Variants in NEU3 observed in about 807,000 individuals in gnomAD.
The protein encoded by NEU3 is sialidase-3.
Under a neutral mutation model 11.4 loss-of-function variants are expected in NEU3, and 10 were observed. The observed-to-expected ratio is 0.88, with a 90% CI of 0.54 to 1.49. The LOEUF (loss-of-function observed/expected upper bound fraction) is 1.49. Among genes scored for constraint, NEU3 ranks in the 40% most tolerant of loss-of-function variants. The pLI is 0.00. For synonymous variants in NEU3, 212 were observed against 228.2 expected (o/e 0.93, Z 0.64); for missense variants, 529 against 581.8 (o/e 0.91, Z 0.93).
intron 2 of NEU3, among the ~76,000 whole-genome samples, chr11:75,003,139 T>C (rs1247184699): frequency 6.6e-6 from 1 of 152,208 alleles, no homozygotes; most frequent in Non-Finnish European, 1.5e-5. Flanking sequence ...CAACCAGTTT[T>C]CTAGAGTGAT....
In NEU3 at chr11:74,994,712, T is replaced by G. The variant is rs775841599; in HGVS notation, c.298T>G (p.Leu100Val). 6.2e-7 allele frequency: 1 copy of G among 1,613,800 alleles called. No homozygotes were observed. Among genetic ancestry groups the G allele is most frequent in the Non-Finnish European group, 8.5e-7 (1 of 1,179,704 alleles). ...GAGGCGAGGGTTGAGGATTGGGCAG[T>G]TGGTACAGGTGACTCTTCATCCCAG... is the stretch of plus-strand genomic sequence containing the variant. ...VLRRGLRIGQLVQWGPLKPLM... is the reference protein window; with the variant it reads ...VLRRGLRIGQVVQWGPLKPLM... The change falls in exon 2 of 3, where the codon TTG (leucine) becomes GTG (valine). Residue 100 changes from leucine (L) to valine (V), a missense_variant. By Grantham distance (32) the Leu-to-Val change is conservative (BLOSUM62 1). Coordinates refer to ENST00000294064, the MANE Select transcript of NEU3 (RefSeq NM_006656.6).
downstream of NEU3, among the ~76,000 whole-genome samples, chr11:75,020,424 A>C (rs532285983): frequency 2.0e-5 from 3 of 152,204 alleles, no homozygotes; most frequent in East Asian, 5.8e-4. Flanking sequence ...AAATTCCTAC[A>C]TGTTGTGGGA....
intron 2 of NEU3, chr11:74,995,042 G>C (rs553167011): frequency 3.1e-5 from 18 of 577,710 alleles, no homozygotes; most frequent in Non-Finnish European, 5.6e-5. Flanking sequence ...AAACTCAGTC[G>C]CTGACTCCAG....
chr11:75,017,568 T>G (rs893915896), intron 3 of NEU3, among the ~76,000 whole-genome samples: 2 of 152,130 alleles, frequency 1.3e-5, no homozygotes, highest in African/African-American at 2.4e-5. Flanking sequence ...AAATCCTGAT[T>G]TGGGGTGTCC....
At chr11:75,003,185 A>T (rs768740638) in intron 2 of NEU3, among the ~76,000 whole-genome samples, 1 of 152,136 alleles carries the variant, frequency 6.6e-6, no homozygotes, top group Non-Finnish European at 1.5e-5. Flanking sequence ...TTCCATCCTT[A>T]TTCCTTGGAT....
intron 3 of NEU3, among the ~76,000 whole-genome samples, chr11:75,018,160 CACA>C: frequency 6.6e-6 from 1 of 151,864 alleles, no homozygotes; most frequent in African/African-American, 2.4e-5. Flanking sequence ...GTAAAGTGGG[CACA>C]ACAACTCTCA....
chr11:74,990,208 A>C, intron 1 of NEU3: 1 of 541,242 alleles, frequency 1.8e-6, no homozygotes, highest in East Asian at 3.0e-5. Context: ...GGTAGGTATT[A>C]TTATCCATAG....
chr11:74,982,937 C>A, the NEU3 span, among the ~76,000 whole-genome samples: 1 of 152,116 alleles, frequency 6.6e-6, no homozygotes, highest in Non-Finnish European at 1.5e-5. Flanking sequence ...GAAATAACAT[C>A]ATTTCTTGGC....
chr11:75,019,108 A>C (rs1948992181), downstream of NEU3, among the ~76,000 whole-genome samples: 2 of 152,232 alleles, frequency 1.3e-5, no homozygotes, highest in African/African-American at 4.8e-5. Flanking sequence ...TCAAGAGGTG[A>C]CTTGGGTGCT....
rs201796271 is a variant in NEU3, at chr11:75,006,377, A to T, written c.1271A>T (p.Lys424Met). The T allele has an allele frequency of 6.0e-5, 97 of 1,613,994 alleles. No individual in the cohort carries two copies. The highest frequency in any genetic ancestry group is 8.1e-5 in the Non-Finnish European group (95 of 1,179,886). The change falls in exon 3 of 3, where the codon AAG (lysine) becomes ATG (methionine). Residue 424 changes from lysine to methionine, a missense_variant. Lys to Met is a moderately conservative substitution (Grantham distance 95). Transcript: ENST00000294064. The stretch of plus-strand genomic sequence containing the variant: ...GGGTGTTTGTTTGAATGTGGGACCA[A>T]GCAAGAGTGTGAGCAGATTGCCTTC... ...LFGCLFECGTKQECEQIAFRL... is the reference protein window; with the variant it reads ...LFGCLFECGTMQECEQIAFRL...
chr11:74,994,761 T>C, intron 2 of NEU3, 41 bp downstream of exon 2: 1 of 1,554,428 alleles, frequency 6.4e-7, no homozygotes, highest in Non-Finnish European at 8.9e-7. Flanking sequence ...CCTCAGTTTC[T>C]CTTCACAAAG....
intron 2 of NEU3, among the ~76,000 whole-genome samples, chr11:75,003,214 AT>A (rs1355681600): frequency 3.9e-5 from 6 of 152,118 alleles, no homozygotes; most frequent in African/African-American, 1.4e-4. Context: ...TTAAGGTTCC[AT>A]CTCAAATTAC....
chr11:75,011,211 G>A (rs1004427257), downstream of NEU3, among the ~76,000 whole-genome samples: 1 of 152,162 alleles, frequency 6.6e-6, no homozygotes, highest in Non-Finnish European at 1.5e-5. Flanking sequence ...GCTGGTGCTT[G>A]CCACTGCATA....
intron 2 of NEU3, among the ~76,000 whole-genome samples, chr11:75,005,049 ACAGT>A (rs1474874294): frequency 6.6e-6 from 1 of 152,192 alleles, no homozygotes; most frequent in Admixed American, 6.5e-5. Flanking sequence ...GAAAAGGAAG[ACAGT>A]CATAAAAAGT....
intron 2 of NEU3, among the ~76,000 whole-genome samples, chr11:74,997,357 T>A (rs914831043): frequency 6.6e-6 from 1 of 152,222 alleles, no homozygotes; most frequent in African/African-American, 2.4e-5. Context: ...CTTGTGCAGC[T>A]TCCATACCTC....
chr11:75,005,506 T>C lies in NEU3; in HGVS notation c.400T>C (p.Phe134Leu), dbSNP rs1948887622. The part of the protein sequence containing the change: ...PVWEQKSGCV[F>L]LFFICVRGHV... ...ATGGGAGCAGAAGAGTGGTTGTGTG[T>C]TCCTGTTCTTCATCTGTGTGCGGGG... Residue 134 changes from phenylalanine (F) to leucine (L), a missense_variant, in exon 3 of 3, where the codon TTC (phenylalanine) becomes CTC (leucine). Coordinates refer to ENST00000294064, the MANE Select transcript of NEU3 (RefSeq NM_006656.6). 1 of 1,613,854 alleles carries C rather than the reference T, an allele frequency of 6.2e-7. No individual in the cohort carries two copies. Among genetic ancestry groups the C allele is most frequent in the African/African-American group, 1.3e-5 (1 of 74,912 alleles).
At chr11:74,992,912 C>T (rs557569360) in intron 1 of NEU3, among the ~76,000 whole-genome samples, 4 of 152,110 alleles carry the variant, frequency 2.6e-5, no homozygotes, top group African/African-American at 9.6e-5. Flanking sequence ...GTGAGCCGAG[C>T]TCACACCATT....
intron 2 of NEU3, among the ~76,000 whole-genome samples, chr11:75,002,239 G>GAT (rs1281149114): frequency 6.6e-6 from 1 of 152,132 alleles, no homozygotes; most frequent in South Asian, 2.1e-4. Flanking sequence ...GTTTTGTAGA[G>GAT]ATAAGGACCC....
upstream of NEU3, among the ~76,000 whole-genome samples, chr11:74,985,631 T>C (rs1226221963): frequency 3.3e-5 from 5 of 152,204 alleles, no homozygotes; most frequent in Non-Finnish European, 7.3e-5. Flanking sequence ...ATGACTAAGA[T>C]TTATTCTTCG....
Sources: allele counts gnomAD v4.1 joint callset (sites outside exome capture counted in the v4.1 genomes callset), GRCh38; gene constraint gnomAD v4.1.1; transcripts MANE v1.5; gene names NCBI Gene and HGNC (gene_info 2026-07-23, HGNC 2026-07-21).